The following OTUD7A variants were observed in gnomAD, a reference collection of about 807,000 sequenced individuals.
OTUD7A encodes the protein OTU domain-containing protein 7A.
A neutral mutation model predicts 65.7 loss-of-function variants in OTUD7A; 12 were observed. That is an observed-to-expected ratio of 0.18 (90% CI 0.12 to 0.30). The LOEUF is 0.30. OTUD7A is among the 10% of genes least tolerant of loss of function. OTUD7A has a pLI of 1.00. For missense variants in OTUD7A, 1,148 were observed against 1,304.8 expected (o/e 0.88, Z 1.85); for synonymous variants, 641 against 586.3 (o/e 1.09, Z -1.35).
At chr15:31,668,194 G>A (rs1293334781) in intron 1 of OTUD7A, among the ~76,000 whole-genome samples, 1 of 152,138 alleles carries the variant, frequency 6.6e-6, no homozygotes, top group Admixed American at 6.5e-5. Context: ...CTAGGTCTCT[G>A]GCAAGGCCAG....
intron 10 of OTUD7A, among the ~76,000 whole-genome samples, chr15:31,493,753 A>C (rs1171117386): frequency 2.6e-5 from 4 of 152,232 alleles, no homozygotes; most frequent in Admixed American, 1.3e-4. Flanking sequence ...GTTTCTAAAT[A>C]ATCCATAAGT....
At chr15:31,726,566 C>T (rs1893895397) in intron 1 of OTUD7A, among the ~76,000 whole-genome samples, 2 of 152,184 alleles carry the variant, frequency 1.3e-5, no homozygotes, top group African/African-American at 4.8e-5. Flanking sequence ...CCATTAGCAA[C>T]CTGGCTTCAA....
At chr15:31,776,481 C>T (rs895752244) in intron 1 of OTUD7A, among the ~76,000 whole-genome samples, 4 of 152,128 alleles carry the variant, frequency 2.6e-5, no homozygotes, top group East Asian at 1.9e-4. Context: ...TGGCCCCTCC[C>T]GACTCTCTCC....
intron 1 of OTUD7A, among the ~76,000 whole-genome samples, chr15:31,750,266 G>T (rs1894595839): frequency 6.6e-6 from 1 of 151,838 alleles, no homozygotes; most frequent in African/African-American, 2.4e-5. Context: ...AAATTAGCTG[G>T]GTGTGGTGGC....
intron 1 of OTUD7A, among the ~76,000 whole-genome samples, chr15:31,823,175 C>A (rs888005654): frequency 6.6e-6 from 1 of 151,992 alleles, no homozygotes; most frequent in African/African-American, 2.4e-5. Context: ...CACACAAAGC[C>A]GGTGCTGTGG....
At chr15:31,735,762 T>C (rs1010454584) in intron 1 of OTUD7A, among the ~76,000 whole-genome samples, 7 of 152,192 alleles carry the variant, frequency 4.6e-5, no homozygotes, top group Admixed American at 3.9e-4. Context: ...CATGCACCTA[T>C]ATGTTCATTA....
chr15:31,842,220 C>A (rs73380602), intron 1 of OTUD7A, among the ~76,000 whole-genome samples: 3,917 of 152,306 alleles, frequency 0.026, 158 homozygotes, highest in African/African-American at 0.09. Context: ...GCAGTGGTGA[C>A]CCCAGGGGGG....
At chr15:31,593,670 G>A (rs543549599) in intron 3 of OTUD7A, among the ~76,000 whole-genome samples, 3 of 152,174 alleles carry the variant, frequency 2.0e-5, no homozygotes, top group African/African-American at 4.8e-5. Flanking sequence ...GCTGTAGGGC[G>A]GGACCAGAGA....
rs775111666 is a variant in OTUD7A at position 31,484,309 on chromosome 15, G to A, written c.1787C>T (p.Pro596Leu). The part of the protein sequence containing the change: ...ASTSPSEKTT[P>L]SPTDKAAGAS... ...GCCCGCTGCCTTGTCTGTGGGCGACGGCGTGGTCTTTTCCGACGGCGACGT... is the reference window on the plus strand; with the variant it reads ...GCCCGCTGCCTTGTCTGTGGGCGACAGCGTGGTCTTTTCCGACGGCGACGT... Residue 596 changes from proline (P) to leucine (L), a missense_variant, in exon 13 of 13, where the codon CCG (proline) becomes CTG (leucine). Transcript: ENST00000307050. This position sits in a 1 kb window ranked among gnomAD's most constrained non-coding sequence, Gnocchi z 4.5. 3.1e-6 allele frequency: 5 copies of A among 1,597,256 alleles called. No individual in the cohort carries two copies. In the East Asian group the frequency reaches 6.7e-5, roughly 21 times the overall value.
chr15:31,553,282 C>G (rs752690384), intron 5 of OTUD7A, among the ~76,000 whole-genome samples: 15 of 152,156 alleles, frequency 9.9e-5, no homozygotes, highest in Admixed American at 5.9e-4. Context: ...CCTCAGCCCT[C>G]AATACTGTAG....
chr15:31,709,852 A>AGT (rs1332962340), intron 1 of OTUD7A, among the ~76,000 whole-genome samples: 1 of 152,150 alleles, frequency 6.6e-6, no homozygotes, highest in Non-Finnish European at 1.5e-5. Context: ...CACACACACA[A>AGT]GTGTGTGTGT....
At chr15:31,577,997 G>A (rs1889257720) in intron 3 of OTUD7A, among the ~76,000 whole-genome samples, 1 of 152,160 alleles carries the variant, frequency 6.6e-6, no homozygotes, top group African/African-American at 2.4e-5. Context: ...CTGCCTCAAT[G>A]ACTAGTCTCT....
intron 1 of OTUD7A, among the ~76,000 whole-genome samples, chr15:31,791,151 C>T (rs35529102): frequency 0.026 from 4,031 of 152,172 alleles, 85 homozygotes; most frequent in Middle Eastern, 0.062. Flanking sequence ...CTCAGCCTCC[C>T]GAGTAGCTGG....
At chr15:31,538,695 G>A (rs1887885607) in intron 5 of OTUD7A, among the ~76,000 whole-genome samples, 1 of 152,130 alleles carries the variant, frequency 6.6e-6, no homozygotes. Context: ...CAAAACTGGA[G>A]CTCAAATTTT....
At chr15:31,737,602 T>C (rs994650014) in intron 1 of OTUD7A, among the ~76,000 whole-genome samples, 18 of 152,244 alleles carry the variant, frequency 1.2e-4, no homozygotes, top group African/African-American at 4.3e-4. Flanking sequence ...AAGAACTTGT[T>C]GACTCAGTGG....
At chr15:31,661,290 G>A (rs1892158305) in intron 1 of OTUD7A, among the ~76,000 whole-genome samples, 1 of 152,136 alleles carries the variant, frequency 6.6e-6, no homozygotes, top group South Asian at 2.1e-4. Flanking sequence ...ACTCATCAAT[G>A]ACATATCAAA....
At position 31,475,961 on chromosome 15, in the gene OTUD7A, A is replaced by G. The variant is rs1010491001; in HGVS notation, c.*7333T>C. 6.6e-6 allele frequency: 1 copy of G among 152,264 alleles called. No homozygotes were observed. The highest frequency in any genetic ancestry group is 2.4e-5 in the African/African-American group (1 of 41,464). 9.4% of individuals were successfully genotyped at this position (152,264 alleles called of 1,614,324 possible). ...GCACGTTTAATGGAACAAAGCAAACACAGGGTGAGGATGGTCCCTTGTTAT... is the reference window on the plus strand; with the variant it reads ...GCACGTTTAATGGAACAAAGCAAACGCAGGGTGAGGATGGTCCCTTGTTAT... On this transcript the variant is annotated 3_prime_UTR_variant, in exon 13 of 13. Coordinates refer to ENST00000307050, the MANE Select transcript of OTUD7A (RefSeq NM_001382637.1).
At chr15:31,526,274 C>A (rs970916125) in intron 8 of OTUD7A, 75 bp downstream of exon 8, 8 of 1,340,286 alleles carry the variant, frequency 6.0e-6, no homozygotes, top group South Asian at 1.5e-5. Context: ...CCCGTGCCAT[C>A]CCCCCATGCT....
chr15:31,771,725 A>T (rs2140914023), intron 1 of OTUD7A, among the ~76,000 whole-genome samples: 1 of 152,260 alleles, frequency 6.6e-6, no homozygotes, highest in Non-Finnish European at 1.5e-5. Flanking sequence ...TTTGAAGTCT[A>T]AGTCCAAAGT....
Sources: allele counts gnomAD v4.1 joint callset (sites outside exome capture counted in the v4.1 genomes callset), GRCh38; gene constraint gnomAD v4.1.1; non-coding constraint Gnocchi (gnomAD v3.1); transcripts MANE v1.5; gene names NCBI Gene and HGNC (gene_info 2026-07-23, HGNC 2026-07-21).